HTR7: variants seen among roughly 807,000 people sequenced by gnomAD.
HTR7 encodes 5-hydroxytryptamine receptor 7, also known as 5-HT-7.
Under a neutral mutation model 34.0 loss-of-function variants are expected in HTR7, and 16 were observed. The observed-to-expected ratio is 0.47, with a 90% CI of 0.32 to 0.71. The LOEUF is 0.71. Among genes scored for constraint, HTR7 ranks in the 30% least tolerant of loss-of-function variants. The pLI, the probability that HTR7 is intolerant of heterozygous loss-of-function variation, is 0.04. For missense variants in HTR7, 504 were observed against 625.5 expected, an observed-to-expected ratio of 0.81 and a Z score of 2.07; for synonymous variants, 265 against 260.2, an observed-to-expected ratio of 1.02 and a Z score of -0.18.
At chr10:90,830,759 G>C (rs140015737) in intron 1 of HTR7, among the ~76,000 whole-genome samples, 1 of 146,130 alleles carries the variant, frequency 6.8e-6, no homozygotes, top group Non-Finnish European at 1.5e-5. Context: ...CTGCACTCCA[G>C]CCTGGGTGAC....
chr10:90,822,400 T>C (rs1845998309), intron 1 of HTR7, among the ~76,000 whole-genome samples: 1 of 152,134 alleles, frequency 6.6e-6, no homozygotes, highest in Non-Finnish European at 1.5e-5. Flanking sequence ...AGAAAGATGA[T>C]TGAGGGTATC....
intron 1 of HTR7, among the ~76,000 whole-genome samples, chr10:90,803,207 T>C (rs1845656490): frequency 6.6e-6 from 1 of 151,984 alleles, no homozygotes; most frequent in Non-Finnish European, 1.5e-5. Context: ...GGAAGTAAAG[T>C]ACACTTGGAA....
intron 2 of HTR7, among the ~76,000 whole-genome samples, chr10:90,746,126 C>A (rs115075194): frequency 6.6e-6 from 1 of 152,142 alleles, no homozygotes; most frequent in African/African-American, 2.4e-5. Flanking sequence ...GACTTCTCCA[C>A]GCCCTTGTTT....
chr10:90,743,252 G>A (rs987929287), intron 3 of HTR7, among the ~76,000 whole-genome samples: 1 of 152,142 alleles, frequency 6.6e-6, no homozygotes, highest in Non-Finnish European at 1.5e-5. Flanking sequence ...CCTTCTTTGA[G>A]GTCCCCCTCT....
chr10:90,780,161 A>G (rs113650974), intron 1 of HTR7, among the ~76,000 whole-genome samples: 2,607 of 152,318 alleles, frequency 0.017, 87 homozygotes, highest in African/African-American at 0.058. Flanking sequence ...CCAAAGGATC[A>G]CTTGAGGTCA....
Position 90,784,742 on chromosome 10 carries a change from CT to C in HTR7, c.540-35149del, listed in dbSNP as rs112436083. 4.6e-5 allele frequency among the ~76,000 whole-genome samples: 7 copies of C among 152,330 alleles called. 1 individual carries two copies. Among genetic ancestry groups the C allele is most frequent in the African/African-American group, 1.7e-4 (7 of 41,576 alleles). On this transcript the variant is annotated intron_variant, in intron 1 of 3. Transcript: ENST00000336152. The stretch of plus-strand genomic sequence containing the variant: ...ATCCTATGTGGAGCCAACACACTCT[CT>C]AAGACAGGCAGTCGGGAGAAAGCCT...
At chr10:90,761,827 ACT>A (rs781228187) in intron 1 of HTR7, among the ~76,000 whole-genome samples, 1 of 151,828 alleles carries the variant, frequency 6.6e-6, no homozygotes, top group African/African-American at 2.4e-5. Flanking sequence ...CAACCATGCT[ACT>A]CTCTCTTTCT....
intron 1 of HTR7, among the ~76,000 whole-genome samples, chr10:90,761,844 T>C (rs935932114): frequency 1.3e-5 from 2 of 152,202 alleles, no homozygotes; most frequent in African/African-American, 4.8e-5. Context: ...CTTTCTGAGT[T>C]TGACTTTTTA....
chr10:90,851,026 C>T (rs993941502), intron 1 of HTR7, among the ~76,000 whole-genome samples: 1 of 151,774 alleles, frequency 6.6e-6, no homozygotes, highest in Non-Finnish European at 1.5e-5. Context: ...CATTAGGAAC[C>T]CCAAACAGGG....
intron 1 of HTR7, among the ~76,000 whole-genome samples, chr10:90,835,100 G>A (rs1253949546): frequency 6.6e-6 from 1 of 152,156 alleles, no homozygotes; most frequent in African/African-American, 2.4e-5. Flanking sequence ...GGGAGGTTCT[G>A]GAGATAAGGT....
intron 1 of HTR7, among the ~76,000 whole-genome samples, chr10:90,784,405 C>T (rs1461438748): frequency 1.3e-5 from 2 of 152,118 alleles, no homozygotes; most frequent in African/African-American, 2.4e-5. Flanking sequence ...ACTGTCTGGC[C>T]CTCATCTGCA....
chr10:90,804,748 A>T (rs1422234511), intron 1 of HTR7, among the ~76,000 whole-genome samples: 1 of 151,904 alleles, frequency 6.6e-6, no homozygotes, highest in African/African-American at 2.4e-5. Flanking sequence ...TATAATTACA[A>T]TTTTTTTTTA....
intron 1 of HTR7, among the ~76,000 whole-genome samples, chr10:90,805,135 T>A (rs958854827): frequency 6.6e-6 from 1 of 152,088 alleles, no homozygotes; most frequent in African/African-American, 2.4e-5. Context: ...GGCTGGTGAG[T>A]TGGGCAATAG....
In HTR7 at chr10:90,749,671, T is replaced by C. The variant is rs1022316103; in HGVS notation, c.540-77A>G. The C allele has an allele frequency of 7.1e-7, 1 of 1,407,340 alleles. No homozygotes were observed. Among genetic ancestry groups the C allele is most frequent in the Non-Finnish European group, 9.7e-7 (1 of 1,031,284 alleles). The allele number at this position is 1,407,340 out of a possible 1,614,324, so 87.2% of individuals were successfully genotyped here. On this transcript the variant is annotated intron_variant, in intron 1 of 3. Coordinates refer to ENST00000336152, the MANE Select transcript of HTR7 (RefSeq NM_019859.4). The surrounding 1 kb of genome is among the most constrained non-coding windows in gnomAD (Gnocchi z 4.2). ...AACCAAGCAAGTCCTGCCAGCCAGG[T>C]ACCAGCGCCAGTCCTCGCAACAGCC...
chr10:90,852,579 A>T (rs1420376604), intron 1 of HTR7, among the ~76,000 whole-genome samples: 1 of 152,254 alleles, frequency 6.6e-6, no homozygotes, highest in African/African-American at 2.4e-5. Context: ...AGATAGCCAG[A>T]AACTAGAAAA....
chr10:90,799,437 G>T (rs1410810451), intron 1 of HTR7, among the ~76,000 whole-genome samples: 1 of 152,190 alleles, frequency 6.6e-6, no homozygotes, highest in Non-Finnish European at 1.5e-5. Context: ...ATGCTCCTGA[G>T]AAATACATTG....
intron 1 of HTR7, among the ~76,000 whole-genome samples, chr10:90,810,038 C>A (rs989660500): frequency 6.6e-6 from 1 of 152,152 alleles, no homozygotes; most frequent in Admixed American, 6.5e-5. Flanking sequence ...TTTTCAAGGG[C>A]CTGTTTCCCT....
chr10:90,848,131 C>T (rs927499991), intron 1 of HTR7, among the ~76,000 whole-genome samples: 3 of 140,318 alleles, frequency 2.1e-5, no homozygotes, highest in Non-Finnish European at 4.5e-5. Context: ...TGCAATGGCG[C>T]GATCTCGGCT....
At chr10:90,801,932 A>G (rs1038190228) in intron 1 of HTR7, among the ~76,000 whole-genome samples, 1 of 152,140 alleles carries the variant, frequency 6.6e-6, no homozygotes, top group Admixed American at 6.5e-5. Flanking sequence ...GTGAATGTTC[A>G]TATTGTTTGA....
Sources: allele counts gnomAD v4.1 joint callset (sites outside exome capture counted in the v4.1 genomes callset), GRCh38; gene constraint gnomAD v4.1.1; non-coding constraint Gnocchi (gnomAD v3.1); transcripts MANE v1.5; gene names NCBI Gene and HGNC (gene_info 2026-07-23, HGNC 2026-07-21).